Variants in TFDP2 observed in about 807,000 individuals in gnomAD.
TFDP2 encodes the protein transcription factor Dp-2.
In TFDP2, 17 loss-of-function variants were observed where a neutral mutation model predicts 59.3. The observed-to-expected ratio is 0.29, with a 90% confidence interval of 0.20 to 0.43. TFDP2 has a LOEUF of 0.43. Ranked by LOEUF, TFDP2 falls within the 20% of genes least tolerant of loss-of-function variation. TFDP2 has a pLI of 1.00. For missense variants in TFDP2, 391 were observed against 528.8 expected, an observed-to-expected ratio of 0.74 and a Z score of 2.56; for synonymous variants, 180 against 194.7, an observed-to-expected ratio of 0.92 and a Z score of 0.63.
At chr3:141,992,640 A>G (rs1305015832) in intron 6 of TFDP2, among the ~76,000 whole-genome samples, 1 of 152,222 alleles carries the variant, frequency 6.6e-6, no homozygotes, top group Non-Finnish European at 1.5e-5. Context: ...GCTCCTCAGA[A>G]GTGATTGTAT....
At chr3:142,116,929 A>ATT (rs59708446) in intron 1 of TFDP2, among the ~76,000 whole-genome samples, 1 of 149,922 alleles carries the variant, frequency 6.7e-6, no homozygotes, top group African/African-American at 2.4e-5. Context: ...CTGGAAAAGG[A>ATT]TTTTTTTTTT....
chr3:142,008,946 A>G (rs549836839), intron 3 of TFDP2, among the ~76,000 whole-genome samples: 2 of 152,280 alleles, frequency 1.3e-5, no homozygotes, highest in African/African-American at 4.8e-5. Context: ...GATTAAATAC[A>G]AGGTCCCATA....
At chr3:142,136,940 T>C (rs1035917954) in intron 1 of TFDP2, among the ~76,000 whole-genome samples, 6 of 152,108 alleles carry the variant, frequency 3.9e-5, no homozygotes, top group African/African-American at 1.4e-4. Context: ...CATTGGTAGC[T>C]TGATGGGGAT....
intron 11 of TFDP2, among the ~76,000 whole-genome samples, chr3:141,957,945 A>T (rs1234321133): frequency 6.6e-6 from 1 of 152,218 alleles, no homozygotes; most frequent in Non-Finnish European, 1.5e-5. Context: ...CTGAACTGAC[A>T]TTTTTAAATG....
chr3:142,138,212 G>C (rs1240100577), intron 1 of TFDP2, among the ~76,000 whole-genome samples: 1 of 152,086 alleles, frequency 6.6e-6, no homozygotes, highest in East Asian at 1.9e-4. Context: ...TGTGGGATTG[G>C]TGGTGATATC....
chr3:142,016,716 T>C (rs1406081688), intron 3 of TFDP2, among the ~76,000 whole-genome samples: 1 of 152,216 alleles, frequency 6.6e-6, no homozygotes, highest in Admixed American at 6.5e-5. Context: ...ATATTGCTAC[T>C]AGAAAATTTG....
At chr3:142,134,040 A>C (rs1365212515) in intron 1 of TFDP2, among the ~76,000 whole-genome samples, 2 of 149,510 alleles carry the variant, frequency 1.3e-5, no homozygotes, top group Non-Finnish European at 3.0e-5. Flanking sequence ...TCTCCAGAAA[A>C]GAAAAAAAAA....
intron 3 of TFDP2, among the ~76,000 whole-genome samples, chr3:142,092,251 C>A (rs1576961063): frequency 6.6e-6 from 1 of 152,288 alleles, no homozygotes; most frequent in East Asian, 1.9e-4. Flanking sequence ...TCTCTATATA[C>A]CACAAGATAT....
chr3:142,050,539 C>A (rs1947571981), intron 3 of TFDP2, among the ~76,000 whole-genome samples: 1 of 150,862 alleles, frequency 6.6e-6, no homozygotes, highest in Non-Finnish European at 1.5e-5. Context: ...ACTAAAAACA[C>A]AAAAAAATTA....
chr3:142,070,121 G>A (rs1359039749), intron 3 of TFDP2, among the ~76,000 whole-genome samples: 2 of 151,456 alleles, frequency 1.3e-5, no homozygotes, highest in African/African-American at 4.9e-5. Flanking sequence ...TGGCCAGGCT[G>A]GTCTCAAACT....
At chr3:141,992,683 A>C (rs1179101589) in intron 6 of TFDP2, among the ~76,000 whole-genome samples, 1 of 152,226 alleles carries the variant, frequency 6.6e-6, no homozygotes, top group African/African-American at 2.4e-5. Flanking sequence ...AGAAGCAAAC[A>C]ACAAAAGCCA....
At chr3:142,093,926 A>AC in intron 2 of TFDP2, 1 of 507,538 alleles carries the variant, frequency 2.0e-6, no homozygotes, top group Non-Finnish European at 3.9e-6. Context: ...AGGATTTGGC[A>AC]CATACTGCTC....
chr3:142,056,404 C>T (rs926452374), intron 3 of TFDP2, among the ~76,000 whole-genome samples: 2 of 151,232 alleles, frequency 1.3e-5, no homozygotes, highest in Admixed American at 6.6e-5. Context: ...AAATATAGTG[C>T]GGTAAATATA....
intron 3 of TFDP2, among the ~76,000 whole-genome samples, chr3:142,060,959 T>A (rs1306664501): frequency 6.6e-6 from 1 of 152,210 alleles, no homozygotes; most frequent in Non-Finnish European, 1.5e-5. Flanking sequence ...ATTTTTCATA[T>A]GAGAACGTCT....
chr3:142,052,783 C>A (rs1338549863), intron 3 of TFDP2, among the ~76,000 whole-genome samples: 1 of 152,032 alleles, frequency 6.6e-6, no homozygotes, highest in African/African-American at 2.4e-5. Flanking sequence ...GCTGGAACTA[C>A]CCTGCCTGGC....
chr3:142,057,229 G>A (rs144851804), intron 3 of TFDP2, among the ~76,000 whole-genome samples: 1 of 152,168 alleles, frequency 6.6e-6, no homozygotes, highest in African/African-American at 2.4e-5. Context: ...TACAAAAAGT[G>A]TATTAGCTAT....
intron 3 of TFDP2, among the ~76,000 whole-genome samples, chr3:142,024,499 C>T (rs1482467668): frequency 8.5e-5 from 13 of 152,132 alleles, no homozygotes; most frequent in African/African-American, 3.1e-4. Context: ...TCTTACTCCA[C>T]TCCAGAGATG....
intron 10 of TFDP2, among the ~76,000 whole-genome samples, chr3:141,961,282 C>T (rs193125963): frequency 4.2e-5 from 5 of 118,644 alleles, no homozygotes; most frequent in South Asian, 2.7e-4. Context: ...CTTGCTCTGT[C>T]GCCCAGGCTG....
Position 141,968,965 on chromosome 3 carries a change from A to C in TFDP2, c.732+1108T>G, listed in dbSNP as rs560108674. On this transcript the variant is annotated intron_variant, in intron 9 of 12. Transcript: ENST00000489671. ...ATATATAGATATATATAACACATATATATCTCATATATATAGATATATATA... is the reference window on the plus strand; with the variant it reads ...ATATATAGATATATATAACACATATCTATCTCATATATATAGATATATATA... 2.4e-4 allele frequency among the ~76,000 whole-genome samples: 25 copies of C among 106,328 alleles called. No individual in the cohort carries two copies. The South Asian group carries it at 6.0e-3, about 25-fold the overall frequency. 69.8% of individuals were successfully genotyped at this position (106,328 alleles called of 152,430 possible). A position where few individuals can be genotyped will look rare whatever the true frequency, so the allele number is the denominator to read the frequency against.
Sources: gnomAD v4.1 joint callset for allele counts (sites outside exome capture counted in the v4.1 genomes callset) on GRCh38, gnomAD v4.1.1 for gene constraint, MANE v1.5 for transcripts, NCBI Gene and HGNC (gene_info 2026-07-23, HGNC 2026-07-21) for gene names.